The following RAI1 variants were observed in gnomAD, a reference collection of about 807,000 sequenced individuals.
RAI1 encodes the protein retinoic acid induced 1.
RAI1 carries 9 observed loss-of-function variants against 123.8 expected under a neutral mutation model. That is an observed-to-expected ratio of 0.07 (90% CI 0.04 to 0.13). RAI1 has a LOEUF of 0.13. Among genes scored for constraint, RAI1 ranks in the 10% least tolerant of loss-of-function variants. RAI1 has a pLI of 1.00. For synonymous variants in RAI1, 1,231 were observed against 1,127.3 expected (o/e 1.09, Z -1.84); for missense variants, 2,256 against 2,545.8 (o/e 0.89, Z 2.45).
chr17:17,737,442 G>C (rs1389604166), intron 2 of RAI1, among the ~76,000 whole-genome samples: 2 of 152,204 alleles, frequency 1.3e-5, no homozygotes, highest in Non-Finnish European at 1.5e-5. Flanking sequence ...ACCCTGGCCT[G>C]TGCTGGAATA....
chr17:17,773,000 T>C (rs1365448890), intron 2 of RAI1, among the ~76,000 whole-genome samples: 2 of 138,722 alleles, frequency 1.4e-5, no homozygotes, highest in African/African-American at 5.4e-5. Context: ...TACAGGTGAG[T>C]GAGTGGATGG....
At chr17:17,788,516 C>T (rs940938926) in intron 2 of RAI1, among the ~76,000 whole-genome samples, 2 of 152,216 alleles carry the variant, frequency 1.3e-5, no homozygotes, top group African/African-American at 4.8e-5. Flanking sequence ...GCCTGGACTC[C>T]TCCTCTGCCC....
chr17:17,809,936 T>G lies in RAI1; in HGVS notation c.5710-34T>G, dbSNP rs772995749. 2 of 1,559,226 alleles carry G rather than the reference T, an allele frequency of 1.3e-6. No individual in the cohort carries two copies. The highest frequency in any genetic ancestry group is 1.7e-6 in the Non-Finnish European group (2 of 1,153,380). ...GGCCTATGGACTGTGAAGTCCGAGGTCGTCGGTAACTGGCGGGCGGGCGTC... is the reference window on the plus strand; with the variant it reads ...GGCCTATGGACTGTGAAGTCCGAGGGCGTCGGTAACTGGCGGGCGGGCGTC... On this transcript the variant is annotated intron_variant, in intron 5 of 5. Transcript: ENST00000353383. The surrounding 1 kb of genome is among the most constrained non-coding windows in gnomAD (Gnocchi z 4.9).
intron 2 of RAI1, among the ~76,000 whole-genome samples, chr17:17,744,988 A>G (rs1916775233): frequency 6.6e-6 from 1 of 152,050 alleles, no homozygotes; most frequent in African/African-American, 2.4e-5. Context: ...TCAGACCTTG[A>G]GCCCTGCTGT....
chr17:17,802,874 G>A (rs1004291050), intron 3 of RAI1, among the ~76,000 whole-genome samples: 3 of 151,658 alleles, frequency 2.0e-5, no homozygotes, highest in East Asian at 1.9e-4. Context: ...ACCTGAGGTC[G>A]GGAGTTCGAG....
chr17:17,684,689 T>C (rs1598009158), intron 1 of RAI1: 1 of 45,760 alleles, frequency 2.2e-5, no homozygotes, highest in East Asian at 2.4e-4. Flanking sequence ...TATATATATA[T>C]ATATATATAT....
chr17:17,794,842 C>T lies in RAI1; in HGVS notation c.1894C>T (p.Leu632=), dbSNP rs61736754. 3,562 of 1,613,238 alleles carry T rather than the reference C, an allele frequency of 2.2e-3. 67 individuals carry two copies. In the African/African-American group the frequency reaches 0.043, roughly 19 times the overall value. Residue 632 remains leucine (L), a synonymous_variant, in exon 3 of 6, where the codon CTG becomes TTG. Coordinates refer to ENST00000353383, the MANE Select transcript of RAI1 (RefSeq NM_030665.4). ...ADKAWAEAPS[L]VKDSSKPPFS... is the part of the protein sequence containing the mutation. ...CAAAGCTTGGGCTGAAGCACCCAGC[C>T]TGGTCAAGGACAGCAGCAAGCCACC...
intron 1 of RAI1, among the ~76,000 whole-genome samples, chr17:17,710,369 C>T (rs1915529186): frequency 6.6e-6 from 1 of 152,198 alleles, no homozygotes; most frequent in Non-Finnish European, 1.5e-5. Context: ...CAACATCCAT[C>T]CCTACGTGGA....
Position 17,783,761 on chromosome 17 carries a change from G to A in RAI1, c.-16-9172G>A, listed in dbSNP as rs554055306. 8.0e-4 allele frequency among the ~76,000 whole-genome samples: 122 copies of A among 152,106 alleles called. 1 individual carries two copies. Among genetic ancestry groups the A allele is most frequent in the African/African-American group, 2.9e-3 (122 of 41,510 alleles). On this transcript the variant is annotated intron_variant, in intron 2 of 5. Coordinates refer to ENST00000353383, the MANE Select transcript of RAI1 (RefSeq NM_030665.4). ...CGGTGACCCCCCTCCACCTCGATGGGGTGCTGAGGTGTAGGCGGGGGGCGG... is the reference window on the plus strand; with the variant it reads ...CGGTGACCCCCCTCCACCTCGATGGAGTGCTGAGGTGTAGGCGGGGGGCGG...
intron 2 of RAI1, among the ~76,000 whole-genome samples, chr17:17,756,612 TG>T (rs2030447912): frequency 6.6e-6 from 1 of 151,940 alleles, no homozygotes; most frequent in African/African-American, 2.4e-5. Context: ...AAGTAAAGTG[TG>T]CTAGCTTCAA....
chr17:17,722,727 T>G (rs1311308367), intron 1 of RAI1, among the ~76,000 whole-genome samples: 1 of 151,534 alleles, frequency 6.6e-6, no homozygotes, highest in Non-Finnish European at 1.5e-5. Flanking sequence ...CTGGGGAGGG[T>G]CCCCCAAACC....
intron 1 of RAI1, among the ~76,000 whole-genome samples, chr17:17,707,429 C>T (rs1043361938): frequency 6.6e-6 from 1 of 152,110 alleles, no homozygotes; most frequent in Non-Finnish European, 1.5e-5. Context: ...TGAGCAAAGA[C>T]TCGAGGGAGG....
At chr17:17,784,448 A>T (rs1217961872) in intron 2 of RAI1, among the ~76,000 whole-genome samples, 3 of 152,252 alleles carry the variant, frequency 2.0e-5, no homozygotes, top group African/African-American at 7.2e-5. Context: ...ATAGAGCTGT[A>T]GACGGATCTC....
At chr17:17,737,995 G>T (rs1365398479) in intron 2 of RAI1, among the ~76,000 whole-genome samples, 1 of 152,162 alleles carries the variant, frequency 6.6e-6, no homozygotes, top group Non-Finnish European at 1.5e-5. Flanking sequence ...CCAGAAGGAG[G>T]GAGGCAGTGC....
At chr17:17,788,000 T>G (rs2143000430) in intron 2 of RAI1, among the ~76,000 whole-genome samples, 1 of 152,188 alleles carries the variant, frequency 6.6e-6, no homozygotes, top group Non-Finnish European at 1.5e-5. Flanking sequence ...ACACCAGGGC[T>G]CCCCCAACCT....
chr17:17,793,986 C>T lies in RAI1; in HGVS notation c.1038C>T (p.Pro346=), dbSNP rs149548767. ...QTFSPSSSHS[P]ARSVGRSPSY... ...TCAGCCCCAGCTCCAGCCACTCACCCGCCCGCTCCGTGGGCCGCTCACCTT... is the reference window on the plus strand; with the variant it reads ...TCAGCCCCAGCTCCAGCCACTCACCTGCCCGCTCCGTGGGCCGCTCACCTT... The change falls in exon 3 of 6, where the codon CCC becomes CCT. Residue 346 remains proline (P), a synonymous_variant. Coordinates refer to ENST00000353383, the MANE Select transcript of RAI1 (RefSeq NM_030665.4). 1.4e-5 allele frequency: 22 copies of T among 1,613,882 alleles called. No homozygotes were observed. Among genetic ancestry groups the T allele is most frequent in the African/African-American group, 1.2e-4 (9 of 74,918 alleles).
At chr17:17,703,725 C>G (rs575810344) in intron 1 of RAI1, among the ~76,000 whole-genome samples, 1 of 152,298 alleles carries the variant, frequency 6.6e-6, no homozygotes, top group East Asian at 1.9e-4. Flanking sequence ...ACTGTAGCCT[C>G]GATCTCCTGA....
chr17:17,777,980 TTCTC>T (rs925478225), intron 2 of RAI1: 2 of 152,206 alleles, frequency 1.3e-5, no homozygotes, highest in Admixed American at 6.5e-5. Flanking sequence ...AAAACTTGTA[TTCTC>T]TCTCTGAGCC....
chr17:17,803,923 G>A, intron 4 of RAI1, 74 bp downstream of exon 4: 1 of 1,414,530 alleles, frequency 7.1e-7, no homozygotes, highest in Non-Finnish European at 1.0e-6. Context: ...CCTGGGCACA[G>A]CTCCCCAAAC....
Sources: allele counts gnomAD v4.1 joint callset (sites outside exome capture counted in the v4.1 genomes callset), GRCh38; gene constraint gnomAD v4.1.1; non-coding constraint Gnocchi (gnomAD v3.1); transcripts MANE v1.5; gene names NCBI Gene and HGNC (gene_info 2026-07-23, HGNC 2026-07-21).